LRBA: variants seen among roughly 807,000 people sequenced by gnomAD.
The protein encoded by LRBA is lipopolysaccharide-responsive and beige-like anchor protein.
In LRBA, 176 loss-of-function variants were observed where a neutral mutation model predicts 330.0. That is an observed-to-expected ratio of 0.53 (90% CI 0.47 to 0.60). The LOEUF (loss-of-function observed/expected upper bound fraction) is 0.60. LRBA is among the 20% of genes least tolerant of loss of function. The pLI, the probability that LRBA is intolerant of heterozygous loss-of-function variation, is 0.00. For synonymous variants in LRBA, 1,230 were observed against 1,193.0 expected (o/e 1.03, Z -0.64); for missense variants, 3,259 against 3,444.8 (o/e 0.95, Z 1.35).
At chr4:150,558,607 G>A (rs966002310) in intron 40 of LRBA, among the ~76,000 whole-genome samples, 9 of 152,028 alleles carry the variant, frequency 5.9e-5, no homozygotes, top group African/African-American at 2.2e-4. Context: ...CATTTCTCTG[G>A]GGAGTCCTGG....
At chr4:151,002,203 A>AG (rs1271649869) in intron 2 of LRBA, among the ~76,000 whole-genome samples, 1 of 148,492 alleles carries the variant, frequency 6.7e-6, no homozygotes, top group Non-Finnish European at 1.5e-5. Context: ...CAGCAAAAAA[A>AG]AAAAAAAAAA....
intron 37 of LRBA, among the ~76,000 whole-genome samples, chr4:150,621,074 A>C (rs1375552950): frequency 1.4e-5 from 2 of 143,016 alleles, no homozygotes; most frequent in Non-Finnish European, 3.1e-5. Flanking sequence ...TTTGCCTCCA[A>C]CTTCTTTCCC....
chr4:150,783,922 C>T (rs1315697574), intron 34 of LRBA, among the ~76,000 whole-genome samples: 1 of 152,150 alleles, frequency 6.6e-6, no homozygotes, highest in Admixed American at 6.5e-5. Context: ...ACAACTACAG[C>T]TTCTCCTGGA....
intron 40 of LRBA, among the ~76,000 whole-genome samples, chr4:150,557,441 G>A (rs1460383053): frequency 2.0e-5 from 3 of 151,460 alleles, no homozygotes; most frequent in Non-Finnish European, 4.4e-5. Flanking sequence ...GGGAAGAACT[G>A]TTAAGCGGAC....
chr4:150,816,118 A>G (rs1744554054), intron 31 of LRBA, among the ~76,000 whole-genome samples: 2 of 151,960 alleles, frequency 1.3e-5, no homozygotes, highest in African/African-American at 4.8e-5. Context: ...AAAACTCTCC[A>G]AGATATGCTA....
At chr4:150,387,039 A>T (rs13105658) in intron 47 of LRBA, among the ~76,000 whole-genome samples, 132,490 of 152,124 alleles carry the variant, frequency 0.87, 58,562 homozygotes, top group Non-Finnish European at 0.96. Flanking sequence ...TTTTTTCACA[A>T]GCTTTTTGGC....
At chr4:150,282,037 CCCACCA>C (rs1747599663) in intron 55 of LRBA, among the ~76,000 whole-genome samples, 1 of 152,296 alleles carries the variant, frequency 6.6e-6, no homozygotes, top group East Asian at 1.9e-4. Context: ...CCCTACTGCT[CCCACCA>C]CCAAGCTATT....
chr4:150,341,865 A>C (rs1735624115), intron 48 of LRBA, among the ~76,000 whole-genome samples: 1 of 151,770 alleles, frequency 6.6e-6, no homozygotes, highest in Admixed American at 6.6e-5. Context: ...TATTGCAAAT[A>C]GCATTTATAT....
intron 15 of LRBA, 120 bp from the exon 16 acceptor site, chr4:150,896,576 G>C (rs1730112125): frequency 1.9e-6 from 1 of 528,348 alleles, no homozygotes; most frequent in Non-Finnish European, 3.3e-6. Context: ...TAATGTAATA[G>C]ACAATCTAAA....
At chr4:150,379,259 C>T (rs112567862) in intron 47 of LRBA, among the ~76,000 whole-genome samples, 20,962 of 143,912 alleles carry the variant, frequency 0.15, 1,560 homozygotes, top group Middle Eastern at 0.17. Context: ...GCCGAGATCA[C>T]GCCATCGCAC....
chr4:150,657,989 G>A (rs1290745136), intron 37 of LRBA, among the ~76,000 whole-genome samples: 1 of 152,078 alleles, frequency 6.6e-6, no homozygotes, highest in Non-Finnish European at 1.5e-5. Flanking sequence ...AATGGTGAAG[G>A]TAAAGAAATA....
chr4:150,658,406 C>A (rs976129663), intron 37 of LRBA, among the ~76,000 whole-genome samples: 1 of 150,304 alleles, frequency 6.7e-6, no homozygotes, highest in Non-Finnish European at 1.5e-5. Context: ...GATAAATATG[C>A]CTTCCTGATT....
intron 34 of LRBA, among the ~76,000 whole-genome samples, chr4:150,791,801 G>A (rs1739957337): frequency 6.6e-6 from 1 of 152,062 alleles, no homozygotes; most frequent in African/African-American, 2.4e-5. Flanking sequence ...GGCCGAGGCA[G>A]GTGGATCACG....
At chr4:150,894,668 A>C (rs1260509191) in intron 16 of LRBA, among the ~76,000 whole-genome samples, 1 of 152,202 alleles carries the variant, frequency 6.6e-6, no homozygotes, top group Non-Finnish European at 1.5e-5. Flanking sequence ...ATTTTCATTA[A>C]GTTAAACAGA....
intron 9 of LRBA, 108 bp downstream of exon 9, chr4:150,914,087 A>AT: frequency 4.7e-6 from 4 of 850,818 alleles, no homozygotes; most frequent in Non-Finnish European, 7.0e-6. Context: ...AGTAGGTCTC[A>AT]TTTTTCTTTT....
intron 2 of LRBA, among the ~76,000 whole-genome samples, chr4:150,938,475 C>T (rs1312671810): frequency 6.6e-6 from 1 of 152,134 alleles, no homozygotes; most frequent in African/African-American, 2.4e-5. Context: ...TAAAGAGTTT[C>T]TAGTTTGGCA....
intron 36 of LRBA, among the ~76,000 whole-genome samples, chr4:150,734,287 T>C (rs1308832457): frequency 1.3e-5 from 2 of 152,080 alleles, no homozygotes; most frequent in Non-Finnish European, 2.9e-5. Flanking sequence ...AACAATTTTG[T>C]AATTCCAGTA....
In LRBA at chr4:150,321,494, G is replaced by C. The variant is rs1732511535; in HGVS notation, c.7453-126C>G. On this transcript the variant is annotated intron_variant, in intron 49 of 56. Transcript: ENST00000651943. This position sits in a 1 kb window ranked among gnomAD's most constrained non-coding sequence, Gnocchi z 4.5. ...GAGGAAGACCATATTAACATGAGTTGTAAGTGGAAGCACAGTGAGCAGAAA... is the reference window on the plus strand; with the variant it reads ...GAGGAAGACCATATTAACATGAGTTCTAAGTGGAAGCACAGTGAGCAGAAA... 4.3e-6 allele frequency: 3 copies of C among 704,258 alleles called. No homozygotes were observed. Among genetic ancestry groups the C allele is most frequent in the Non-Finnish European group, 6.7e-6 (3 of 449,438 alleles). The allele number at this position is 704,258 out of a possible 1,614,324, so 43.6% of individuals were successfully genotyped here.
intron 17 of LRBA, among the ~76,000 whole-genome samples, chr4:150,890,548 A>G (rs1377432757): frequency 6.6e-6 from 1 of 152,222 alleles, no homozygotes; most frequent in East Asian, 1.9e-4. Context: ...GCGATATTAG[A>G]AAAAGAGGAG....
Sources: allele counts gnomAD v4.1 joint callset (sites outside exome capture counted in the v4.1 genomes callset), GRCh38; gene constraint gnomAD v4.1.1; non-coding constraint Gnocchi (gnomAD v3.1); transcripts MANE v1.5; gene names NCBI Gene and HGNC (gene_info 2026-07-23, HGNC 2026-07-21).